The following CSMD1 variants were observed in gnomAD, a reference collection of about 807,000 sequenced individuals.
CSMD1 encodes the protein CUB and Sushi multiple domains 1.
CSMD1 carries 213 observed loss-of-function variants against 417.5 expected under a neutral mutation model. That is an observed-to-expected ratio of 0.51 (90% confidence interval 0.46 to 0.57). The LOEUF is 0.57. CSMD1 is among the 20% of genes least tolerant of loss of function. The pLI is 0.00. For synonymous variants in CSMD1, 2,862 were observed against 1,736.8 expected, an observed-to-expected ratio of 1.65 and a Z score of -16.11; for missense variants, 6,923 against 4,529.7, an observed-to-expected ratio of 1.53 and a Z score of -15.17.
intron 7 of CSMD1, among the ~76,000 whole-genome samples, chr8:3,704,194 C>T (rs573939586): frequency 2.0e-5 from 3 of 152,108 alleles, no homozygotes; most frequent in African/African-American, 4.8e-5. Context: ...GAGATGCAGC[C>T]GGCCTGAAAA....
intron 3 of CSMD1, among the ~76,000 whole-genome samples, chr8:4,349,939 A>T (rs946393559): frequency 6.6e-6 from 1 of 152,070 alleles, no homozygotes; most frequent in Non-Finnish European, 1.5e-5. Context: ...ATACTGCCAA[A>T]CTTTAACAAA....
At chr8:4,546,992 C>T (rs1035180955) in intron 2 of CSMD1, among the ~76,000 whole-genome samples, 2 of 152,114 alleles carry the variant, frequency 1.3e-5, no homozygotes, top group Non-Finnish European at 2.9e-5. Flanking sequence ...CCTGTGTGCC[C>T]TACATCCTTA....
intron 5 of CSMD1, among the ~76,000 whole-genome samples, chr8:3,774,284 T>C (rs1353006722): frequency 6.6e-6 from 1 of 152,186 alleles, no homozygotes; most frequent in East Asian, 1.9e-4. Flanking sequence ...CAGAATTGAA[T>C]TCCAATGTGT....
At chr8:4,642,211 G>A (rs577413178) in intron 1 of CSMD1, among the ~76,000 whole-genome samples, 2 of 152,318 alleles carry the variant, frequency 1.3e-5, no homozygotes, top group East Asian at 3.9e-4. Flanking sequence ...TTGATGGTTG[G>A]TTATACAGCA....
chr8:3,543,394 G>T (rs1200010634), intron 10 of CSMD1, among the ~76,000 whole-genome samples: 1 of 152,204 alleles, frequency 6.6e-6, no homozygotes, highest in African/African-American at 2.4e-5. Context: ...ACTCGTTTCT[G>T]TGTTGAGAAC....
At chr8:3,489,040 TA>T (rs1434710850) in intron 11 of CSMD1, among the ~76,000 whole-genome samples, 3 of 152,214 alleles carry the variant, frequency 2.0e-5, no homozygotes, top group Non-Finnish European at 4.4e-5. Flanking sequence ...GTGATAACAT[TA>T]AAGATATATA....
intron 23 of CSMD1, among the ~76,000 whole-genome samples, chr8:3,320,341 C>G (rs1324950687): frequency 1.3e-5 from 2 of 152,160 alleles, no homozygotes; most frequent in African/African-American, 2.4e-5. Context: ...TCCTTCACAT[C>G]TTAGCTGTGA....
At chr8:4,129,229 A>G (rs777255605) in intron 3 of CSMD1, among the ~76,000 whole-genome samples, 2 of 152,160 alleles carry the variant, frequency 1.3e-5, no homozygotes, top group Non-Finnish European at 2.9e-5. Flanking sequence ...ATTCCTATCA[A>G]TTTCCTCTTC....
intron 3 of CSMD1, among the ~76,000 whole-genome samples, chr8:4,241,766 T>G (rs1802420590): frequency 1.3e-5 from 2 of 151,196 alleles, no homozygotes; most frequent in African/African-American, 2.4e-5. Context: ...TGCAGTGGCG[T>G]GATCTCAGAT....
At chr8:4,594,551 G>T (rs78744386) in intron 2 of CSMD1, among the ~76,000 whole-genome samples, 37,596 of 151,876 alleles carry the variant, frequency 0.25, 6,172 homozygotes, top group African/African-American at 0.47. Context: ...TGGGATTTAG[G>T]AATTTGATGT....
intron 3 of CSMD1, among the ~76,000 whole-genome samples, chr8:4,398,014 C>G (rs1804374478): frequency 6.6e-6 from 1 of 152,178 alleles, no homozygotes; most frequent in Admixed American, 6.5e-5. Flanking sequence ...CTAGGTCATA[C>G]ATACTGGTAT....
chr8:4,034,335 T>C (rs1797507539), intron 3 of CSMD1, among the ~76,000 whole-genome samples: 1 of 152,232 alleles, frequency 6.6e-6, no homozygotes, highest in South Asian at 2.1e-4. Flanking sequence ...AGTCAAAGTG[T>C]ATTCAGTTCT....
At chr8:4,421,766 G>T (rs927745622) in intron 2 of CSMD1, among the ~76,000 whole-genome samples, 2 of 149,936 alleles carry the variant, frequency 1.3e-5, no homozygotes, top group Non-Finnish European at 3.0e-5. Flanking sequence ...CTTATTGCAA[G>T]AACTATAAAA....
intron 1 of CSMD1, among the ~76,000 whole-genome samples, chr8:4,694,495 A>G (rs1400641260): frequency 2.6e-5 from 4 of 151,798 alleles, no homozygotes; most frequent in African/African-American, 9.7e-5. Context: ...GGGGCTATCT[A>G]TATGCATGTG....
intron 4 of CSMD1, among the ~76,000 whole-genome samples, chr8:4,012,992 C>G (rs1796348095): frequency 6.6e-6 from 1 of 152,090 alleles, no homozygotes; most frequent in Non-Finnish European, 1.5e-5. Context: ...GTAACAACAC[C>G]TCTCATTTTC....
intron 3 of CSMD1, among the ~76,000 whole-genome samples, chr8:4,179,504 G>C (rs967572403): frequency 1.3e-5 from 2 of 150,594 alleles, no homozygotes; most frequent in Non-Finnish European, 1.5e-5. Flanking sequence ...TTACCATTCA[G>C]GACGTAGGCA....
intron 2 of CSMD1, among the ~76,000 whole-genome samples, chr8:4,432,845 A>G (rs1259015509): frequency 1.3e-5 from 2 of 152,218 alleles, no homozygotes; most frequent in Non-Finnish European, 2.9e-5. Flanking sequence ...ACTCTGTTGT[A>G]TACCAAGGGT....
rs937422453 is a variant in CSMD1 at position 4,156,925 on chromosome 8, G to C, written c.416-124826C>G. 2.1e-4 allele frequency among the ~76,000 whole-genome samples: 32 copies of C among 152,214 alleles called. 1 individual carries two copies. Among genetic ancestry groups the C allele is most frequent in the South Asian group, 6.2e-4 (3 of 4,824 alleles). On this transcript the variant is annotated intron_variant, in intron 3 of 69. Coordinates refer to ENST00000635120, the MANE Select transcript of CSMD1 (RefSeq NM_033225.6). ...TTCTTACCTCTCCGGACATTTGTGA[G>C]GGTTACGAAACTTTATCTATCCAAC...
intron 1 of CSMD1, among the ~76,000 whole-genome samples, chr8:4,908,703 G>T (rs1000993976): frequency 7.7e-5 from 11 of 141,996 alleles, no homozygotes; most frequent in Admixed American, 2.2e-4. Context: ...TCCATCAGAG[G>T]TATTCTTCAT....
Sources: allele counts gnomAD v4.1 joint callset (sites outside exome capture counted in the v4.1 genomes callset), GRCh38; gene constraint gnomAD v4.1.1; transcripts MANE v1.5; gene names NCBI Gene and HGNC (gene_info 2026-07-23, HGNC 2026-07-21).